MAST4: variants seen among roughly 807,000 people sequenced by gnomAD.
The protein encoded by MAST4 is microtubule associated serine/threonine kinase family member 4, also known as microtubule-associated serine/threonine-protein kinase 4.
Under a neutral mutation model 162.7 loss-of-function variants are expected in MAST4, and 89 were observed. The ratio of observed to expected loss-of-function variants is 0.55; its 90% CI spans 0.46 to 0.65. The LOEUF is 0.65. Among genes scored for constraint, MAST4 ranks in the 30% least tolerant of loss-of-function variants. The pLI is 0.00. For missense variants in MAST4, 3,153 were observed against 3,374.0 expected (o/e 0.93, Z 1.62); for synonymous variants, 1,479 against 1,361.1 (o/e 1.09, Z -1.91).
chr5:66,962,553 C>G (rs151077964), intron 4 of MAST4, among the ~76,000 whole-genome samples: 209 of 152,226 alleles, frequency 1.4e-3, no homozygotes, highest in East Asian at 0.01. Flanking sequence ...ACAAAAAATA[C>G]AAAAATTAGC....
At chr5:66,911,392 T>TA (rs1252688463) in intron 4 of MAST4, among the ~76,000 whole-genome samples, 10 of 152,160 alleles carry the variant, frequency 6.6e-5, no homozygotes, top group South Asian at 2.1e-4. Context: ...AAACTTTTTT[T>TA]AGATTGCAAA....
intron 4 of MAST4, among the ~76,000 whole-genome samples, chr5:66,956,655 C>T (rs752360154): frequency 7.2e-5 from 11 of 152,312 alleles, no homozygotes; most frequent in South Asian, 2.1e-4. Context: ...TTCTTGAACT[C>T]GTGACTTTAA....
chr5:67,100,754 C>T (rs1200208354), intron 8 of MAST4, among the ~76,000 whole-genome samples, 162 bp downstream of exon 8: 1 of 152,070 alleles, frequency 6.6e-6, no homozygotes, highest in African/African-American at 2.4e-5. Context: ...TGTTAATTAC[C>T]ATTGAAAGGC....
chr5:66,867,984 G>C (rs1429881928), intron 3 of MAST4, among the ~76,000 whole-genome samples: 1 of 152,208 alleles, frequency 6.6e-6, no homozygotes, highest in East Asian at 1.9e-4. Context: ...GGAAAATGAA[G>C]TCACAAATTT....
intron 4 of MAST4, among the ~76,000 whole-genome samples, chr5:66,950,938 G>A (rs1240799667): frequency 6.6e-6 from 1 of 152,140 alleles, no homozygotes; most frequent in Non-Finnish European, 1.5e-5. Context: ...TTAACATTAT[G>A]TTTGCAAGGT....
chr5:66,996,670 G>T (rs1350073291), intron 4 of MAST4, among the ~76,000 whole-genome samples: 1 of 152,056 alleles, frequency 6.6e-6, no homozygotes, highest in African/African-American at 2.4e-5. Flanking sequence ...CAGTTTTTTG[G>T]CTCTTGTCCC....
chr5:66,852,912 C>A (rs1561383327), intron 3 of MAST4, among the ~76,000 whole-genome samples: 1 of 152,146 alleles, frequency 6.6e-6, no homozygotes, highest in Non-Finnish European at 1.5e-5. Flanking sequence ...AGGAGGAAGA[C>A]TGTAGGATCC....
intron 3 of MAST4, among the ~76,000 whole-genome samples, chr5:66,830,785 C>T (rs565370843): frequency 9.9e-5 from 15 of 152,264 alleles, no homozygotes; most frequent in Admixed American, 2.6e-4. Flanking sequence ...ATTTGTATTA[C>T]CACACATGTC....
At chr5:66,845,137 A>ACACC (rs1470489796) in intron 3 of MAST4, among the ~76,000 whole-genome samples, 1 of 140,742 alleles carries the variant, frequency 7.1e-6, no homozygotes, top group East Asian at 2.2e-4. Context: ...ACACACACAC[A>ACACC]CTTGAAGTTC....
chr5:67,120,890 C>T, intron 13 of MAST4, 127 bp from the exon 14 acceptor site: 1 of 647,404 alleles, frequency 1.5e-6, no homozygotes, highest in Non-Finnish European at 2.6e-6. Context: ...CCTCAGGTTC[C>T]TGTGGCTGGA....
intron 10 of MAST4, among the ~76,000 whole-genome samples, chr5:67,106,807 T>G (rs1229709260): frequency 1.3e-5 from 2 of 152,176 alleles, no homozygotes; most frequent in East Asian, 3.8e-4. Context: ...GGGGGCTCTT[T>G]GAGCAACAGG....
intron 4 of MAST4, among the ~76,000 whole-genome samples, chr5:67,027,347 A>C (rs1477153939): frequency 6.6e-6 from 1 of 152,186 alleles, no homozygotes; most frequent in Non-Finnish European, 1.5e-5. Context: ...TGTGGAAGCA[A>C]AGTTGAATCT....
chr5:67,147,345 C>A (rs1490702493), intron 23 of MAST4, among the ~76,000 whole-genome samples: 1 of 152,150 alleles, frequency 6.6e-6, no homozygotes, highest in Non-Finnish European at 1.5e-5. Context: ...AAAGAAGGAA[C>A]CCTTGACATT....
rs1239715469 is a variant in MAST4 at position 66,610,401 on chromosome 5, G to A, written c.363+13383G>A. Among the ~76,000 whole-genome samples, 5 of 152,166 alleles carry A rather than the reference G, an allele frequency of 3.3e-5. No homozygotes were observed. In the East Asian group the frequency reaches 7.7e-4, roughly 24 times the overall value. ...CAACAGCCTAATTAGTTCCCAGGATGATAAATTCCTAGGAATGGGGTAATA... is the reference window on the plus strand; with the variant it reads ...CAACAGCCTAATTAGTTCCCAGGATAATAAATTCCTAGGAATGGGGTAATA... On this transcript the variant is annotated intron_variant, in intron 1 of 28. Coordinates refer to ENST00000403625, the MANE Select transcript of MAST4 (RefSeq NM_001164664.2).
intron 10 of MAST4, among the ~76,000 whole-genome samples, chr5:67,106,513 C>A (rs374520425): frequency 4.5e-4 from 69 of 152,280 alleles, no homozygotes; most frequent in East Asian, 3.9e-3. Flanking sequence ...TAGTTTACTT[C>A]CTAAATATTT....
chr5:67,088,617 G>T (rs751437591), intron 5 of MAST4, among the ~76,000 whole-genome samples: 1 of 152,172 alleles, frequency 6.6e-6, no homozygotes, highest in Non-Finnish European at 1.5e-5. Flanking sequence ...ACTTAATTTA[G>T]CTGTGTGTAG....
intron 1 of MAST4, among the ~76,000 whole-genome samples, chr5:66,694,554 T>G (rs1207220703): frequency 1.3e-5 from 2 of 152,192 alleles, no homozygotes; most frequent in Non-Finnish European, 2.9e-5. Flanking sequence ...TGGCACGATC[T>G]CGGTTCACTG....
rs1425066325 is a variant in MAST4 at position 67,149,515 on chromosome 5, C to T, written c.3221C>T (p.Thr1074Ile). 1 of 1,613,748 alleles carries T rather than the reference C, an allele frequency of 6.2e-7. No homozygotes were observed. The highest frequency in any genetic ancestry group is 2.2e-5 in the East Asian group (1 of 44,884). ...SHMARQRLESTEKKKISGKVT... is the reference protein window; with the variant it reads ...SHMARQRLESIEKKKISGKVT... ...ATGGCTCGGCAGCGATTAGAAAGCA[C>T]AGAAAAAAAGAAAATCTCGGGGAAA... The change falls in exon 24 of 29, where the codon ACA becomes ATA. Residue 1074 changes from threonine (T) to isoleucine (I), a missense_variant. Physicochemically the swap from Thr to Ile is moderately conservative, Grantham distance 89. This residue lies in a region of MAST4 where 619 missense variants were observed against 744.2 expected (regional missense o/e 0.83). Transcript: ENST00000403625.
chr5:67,061,740 A>T (rs375873442), intron 5 of MAST4, among the ~76,000 whole-genome samples: 2 of 151,410 alleles, frequency 1.3e-5, no homozygotes, highest in East Asian at 1.9e-4. Context: ...AGCACCAGTG[A>T]CGCATTTCTT....
Sources: allele counts gnomAD v4.1 joint callset (sites outside exome capture counted in the v4.1 genomes callset), GRCh38; gene constraint gnomAD v4.1.1; regional missense constraint gnomAD v4.1.1; transcripts MANE v1.5; gene names NCBI Gene and HGNC (gene_info 2026-07-23, HGNC 2026-07-21).